Variants in MCF2L2 observed in about 807,000 individuals in gnomAD.
MCF2L2 encodes the protein probable guanine nucleotide exchange factor MCF2L2.
MCF2L2 carries 102 observed loss-of-function variants against 150.2 expected under a neutral mutation model. That is an observed-to-expected ratio of 0.68 (90% CI 0.58 to 0.80). The LOEUF is 0.80. Ranked by LOEUF, MCF2L2 falls within the 30% of genes least tolerant of loss-of-function variation. The pLI is 0.00. For missense variants in MCF2L2, 1,256 were observed against 1,372.8 expected, an observed-to-expected ratio of 0.91 and a Z score of 1.34; for synonymous variants, 465 against 491.3, an observed-to-expected ratio of 0.95 and a Z score of 0.71.
rs1560034898 is a variant in MCF2L2, at chr3:183,351,211, TATATATATATATATATATATATA to T, written c.276-9604_276-9582del. 7.4e-4 allele frequency among the ~76,000 whole-genome samples: 60 copies of T among 81,086 alleles called. No individual in the cohort carries two copies. In the East Asian group the frequency reaches 0.021, roughly 28 times the overall value. 53.2% of individuals were successfully genotyped at this position (81,086 alleles called of 152,430 possible). A position where few individuals can be genotyped will look rare whatever the true frequency, so the allele number is the denominator to read the frequency against. ...TTAAGTATATATATATATATATATATATATATATATATATATATATATATATTTATTTATTTATTTATCAGAAC... is the reference window on the plus strand; with the variant it reads ...TTAAGTATATATATATATATATATATTATTTATTTATTTATTTATCAGAAC... On this transcript the variant is annotated intron_variant, in intron 3 of 29. Coordinates refer to ENST00000328913, the MANE Select transcript of MCF2L2 (RefSeq NM_015078.4).
chr3:183,252,155 T>TA (rs1724575019), intron 15 of MCF2L2, among the ~76,000 whole-genome samples: 1 of 151,960 alleles, frequency 6.6e-6, no homozygotes, highest in South Asian at 2.1e-4. Flanking sequence ...GAAAGGAATA[T>TA]AATTGTAATT....
At chr3:183,251,757 G>A (rs964548060) in intron 15 of MCF2L2, among the ~76,000 whole-genome samples, 2 of 151,790 alleles carry the variant, frequency 1.3e-5, no homozygotes, top group Non-Finnish European at 2.9e-5. Context: ...CTCTCTCTGG[G>A]TGGGACAGGA....
intron 18 of MCF2L2, chr3:183,226,950 G>A (rs918019046): frequency 9.2e-5 from 14 of 152,138 alleles, no homozygotes; most frequent in Admixed American, 3.3e-4. Context: ...AAAGCCATAT[G>A]GGGCCACCAA....
At position 183,330,736 on chromosome 3, in the gene MCF2L2, T is replaced by TTTTATATTCTA. The variant is rs561091331; in HGVS notation, c.487-7396_487-7386dup. On this transcript the variant is annotated intron_variant, in intron 5 of 29. Transcript: ENST00000328913. ...TACAGGATAGAAATGTTTAAAAAGT[T>TTTTATATTCTA]TTTATATTCTATATAGTGAAGAAAA... Among the ~76,000 whole-genome samples, 356 of 152,316 alleles carry TTTTATATTCTA rather than the reference T, an allele frequency of 2.3e-3. 3 individuals are homozygous for TTTTATATTCTA. Among genetic ancestry groups the TTTTATATTCTA allele is most frequent in the Admixed American group, 3.7e-3 (56 of 15,292 alleles).
At chr3:183,312,164 T>C (rs149487559) in intron 7 of MCF2L2, among the ~76,000 whole-genome samples, 2 of 152,294 alleles carry the variant, frequency 1.3e-5, no homozygotes, top group African/African-American at 4.8e-5. Flanking sequence ...GCAATAATAA[T>C]GTAATAACTG....
At chr3:183,253,868 A>G (rs1724749549) in intron 15 of MCF2L2, 1 of 151,992 alleles carries the variant, frequency 6.6e-6, no homozygotes, top group Admixed American at 6.5e-5. Context: ...CCGCGGCCGC[A>G]TCTTTCCGCG....
intron 7 of MCF2L2, among the ~76,000 whole-genome samples, chr3:183,312,660 G>A (rs1210289489): frequency 1.3e-5 from 2 of 152,192 alleles, no homozygotes; most frequent in African/African-American, 4.8e-5. Context: ...TCTAGGCCCA[G>A]CCACCTGTGT....
At chr3:183,374,893 GC>G (rs1713107253) in intron 3 of MCF2L2, 2 of 152,130 alleles carry the variant, frequency 1.3e-5, no homozygotes, top group Non-Finnish European at 2.9e-5. Context: ...GGAGGCAGGA[GC>G]CTAGGAGAGT....
intron 26 of MCF2L2, among the ~76,000 whole-genome samples, chr3:183,194,532 G>A (rs1722018274): frequency 6.6e-6 from 1 of 152,168 alleles, no homozygotes; most frequent in African/African-American, 2.4e-5. Flanking sequence ...TGCCCACTCA[G>A]TAAAGTAGGA....
At position 183,187,602 on chromosome 3, in the gene MCF2L2, G is replaced by A. The variant is rs373481283; in HGVS notation, c.3016+5397C>T. 1.1e-4 allele frequency among the ~76,000 whole-genome samples: 17 copies of A among 152,264 alleles called. No homozygotes were observed. The East Asian group carries it at 2.1e-3, about 19-fold the overall frequency. On this transcript the variant is annotated intron_variant, in intron 27 of 29. Transcript: ENST00000328913. ...TCCTGCCTCAGCCTCCCGAGTAGCT[G>A]GGACGACAGGCATGCGCCACCACGC...
intron 1 of MCF2L2, among the ~76,000 whole-genome samples, chr3:183,405,185 A>G (rs11720279): frequency 0.16 from 24,274 of 152,162 alleles, 2,143 homozygotes; most frequent in South Asian, 0.22. Context: ...TGCCAAAGGA[A>G]CAAAAAGCTA....
chr3:183,207,799 G>C lies in MCF2L2; in HGVS notation c.2521C>G (p.Leu841Val). The C allele has an allele frequency of 6.2e-7, 1 of 1,614,108 alleles. No individual in the cohort carries two copies. Among genetic ancestry groups the C allele is most frequent in the Non-Finnish European group, 8.5e-7 (1 of 1,179,946 alleles). The stretch of plus-strand genomic sequence containing the variant: ...ACGCTGAAAGGGCCGTGCAGCAACA[G>C]CTTGCCTAGTTTTCCAATATCGTCC... The part of the protein sequence containing the change: ...CPDDIGKLGK[L>V]LLHGPFSVWT... The change falls in exon 23 of 30, where the codon CTG becomes GTG. Residue 841 changes from leucine (L) to valine (V), a missense_variant. Transcript: ENST00000328913.
rs563126993 is a variant in MCF2L2, at chr3:183,181,003, C to G, written c.3017-844G>C. 2.0e-5 allele frequency among the ~76,000 whole-genome samples: 3 copies of G among 152,340 alleles called. No homozygotes were observed. In the South Asian group the frequency reaches 6.2e-4, roughly 32 times the overall value. ...GAGCATCTGCAGAAAGGTCCCAACA[C>G]AGGACAGCCCCAGACCGAGGGTCAG... On this transcript the variant is annotated intron_variant, in intron 27 of 29. Transcript: ENST00000328913. This position sits in a 1 kb window ranked among gnomAD's most constrained non-coding sequence, Gnocchi z 4.3.
intron 13 of MCF2L2, among the ~76,000 whole-genome samples, chr3:183,294,661 C>T (rs187638330): frequency 0.017 from 2,405 of 140,518 alleles, 52 homozygotes; most frequent in East Asian, 0.048. Context: ...CGGAGTCTCG[C>T]TCTGTCACCC....
chr3:183,241,097 GAA>G (rs1724004621), intron 15 of MCF2L2, among the ~76,000 whole-genome samples: 1 of 152,242 alleles, frequency 6.6e-6, no homozygotes, highest in Non-Finnish European at 1.5e-5. Context: ...AGGCTAGTCA[GAA>G]AAGTCAGGTG....
chr3:183,336,092 T>C (rs1577071695), intron 5 of MCF2L2, among the ~76,000 whole-genome samples: 1 of 152,334 alleles, frequency 6.6e-6, no homozygotes, highest in African/African-American at 2.4e-5. Context: ...TTCTGTTCTT[T>C]ATAAATTATT....
chr3:183,202,349 A>C (rs1206557378), intron 25 of MCF2L2, among the ~76,000 whole-genome samples: 1 of 152,230 alleles, frequency 6.6e-6, no homozygotes, highest in Non-Finnish European at 1.5e-5. Flanking sequence ...AAGGTTTAAA[A>C]TGAAATGCTC....
At position 183,389,610 on chromosome 3, in the gene MCF2L2, A is replaced by G. The variant is rs1714026629; in HGVS notation, c.160+86T>C. The G allele has an allele frequency of 2.6e-6, 3 of 1,150,094 alleles. No homozygotes were observed. The South Asian group carries it at 3.8e-5, about 14-fold the overall frequency. 71.2% of individuals were successfully genotyped at this position (1,150,094 alleles called of 1,614,324 possible). ...TAAGGGGTGAGTGAGATTTGAGTAT[A>G]ACATTCCTCAAGGTTCAAGAGGCTG... On this transcript the variant is annotated intron_variant, in intron 2 of 29. Coordinates refer to ENST00000328913, the MANE Select transcript of MCF2L2 (RefSeq NM_015078.4).
rs747213476 is a variant in MCF2L2, at chr3:183,270,037, A to G, written c.1862+6835T>C. The stretch of plus-strand genomic sequence containing the variant: ...CGCTACCAATACTTGATTAACCACA[A>G]GGAAAAGTGTCAAGCTCAAGACGTC... On this transcript the variant is annotated intron_variant, in intron 15 of 29. Transcript: ENST00000328913. This position sits in a 1 kb window ranked among gnomAD's most constrained non-coding sequence, Gnocchi z 4.5. 6.2e-7 allele frequency: 1 copy of G among 1,614,178 alleles called. No individual in the cohort carries two copies. The highest frequency in any genetic ancestry group is 1.3e-5 in the African/African-American group (1 of 75,038).
Sources: gnomAD v4.1 joint callset for allele counts (sites outside exome capture counted in the v4.1 genomes callset) on GRCh38, gnomAD v4.1.1 for gene constraint, Gnocchi (gnomAD v3.1) non-coding constraint, MANE v1.5 for transcripts, NCBI Gene and HGNC (gene_info 2026-07-23, HGNC 2026-07-21) for gene names.